The following WDR41 variants were observed in gnomAD, a reference collection of about 807,000 sequenced individuals.
WDR41 encodes the protein WD repeat domain 41, also known as WD repeat-containing protein 41.
A neutral mutation model predicts 69.3 loss-of-function variants in WDR41; 63 were observed. That is an observed-to-expected ratio of 0.91 (90% CI 0.74 to 1.12). The LOEUF (loss-of-function observed/expected upper bound fraction) is 1.12. Ranked by LOEUF, WDR41 falls within the 50% of genes most tolerant of loss-of-function variation. The pLI, the probability that WDR41 is intolerant of heterozygous loss-of-function variation, is 0.00. For synonymous variants in WDR41, 185 were observed against 192.1 expected, an observed-to-expected ratio of 0.96 and a Z score of 0.31; for missense variants, 543 against 534.5, an observed-to-expected ratio of 1.02 and a Z score of -0.16.
At chr5:77,447,126 T>C (rs1175890664) in intron 8 of WDR41, among the ~76,000 whole-genome samples, 1 of 151,990 alleles carries the variant, frequency 6.6e-6, no homozygotes, top group East Asian at 1.9e-4. Flanking sequence ...CAGGCACTTC[T>C]CAAGACATTT....
chr5:77,470,300 A>G (rs917545247), intron 2 of WDR41, among the ~76,000 whole-genome samples: 42 of 152,358 alleles, frequency 2.8e-4, no homozygotes, highest in Admixed American at 1.2e-3. Context: ...GAAAGGAACA[A>G]CCGATACCAG....
chr5:77,582,749 T>G (rs1158533453), intron 1 of WDR41: 9 of 1,595,358 alleles, frequency 5.6e-6, no homozygotes, highest in Non-Finnish European at 7.7e-6. Flanking sequence ...TTTGTGAAGC[T>G]CAACAAGGCT....
intron 1 of WDR41, among the ~76,000 whole-genome samples, chr5:77,585,298 G>T (rs1035896006): frequency 1.3e-5 from 2 of 152,084 alleles, no homozygotes; most frequent in Admixed American, 1.3e-4. Context: ...TGCAAGAATG[G>T]CCATAATCAA....
chr5:77,603,034 T>A (rs1247076755), intron 1 of WDR41, among the ~76,000 whole-genome samples: 4 of 150,546 alleles, frequency 2.7e-5, no homozygotes, highest in Non-Finnish European at 5.9e-5. Context: ...GCTCCCTGGG[T>A]TCATGCCATT....
chr5:77,562,253 T>A (rs1489804823), intron 1 of WDR41, among the ~76,000 whole-genome samples: 1 of 152,110 alleles, frequency 6.6e-6, no homozygotes, highest in Non-Finnish European at 1.5e-5. Flanking sequence ...TAAATGTCTA[T>A]CTCTCACCAA....
chr5:77,517,631 C>CATATATATATATATATATATAT lies in WDR41; in HGVS notation c.43-28081_43-28060dup, dbSNP rs34773798. ...TTGACATTTATTCATATTTATTGAA[C>CATATATATATATATATATATAT]ATATATATATATATATATATATATA... is the stretch of plus-strand genomic sequence containing the variant. On this transcript the variant is annotated intron_variant, in intron 1 of 5. Transcript: ENST00000509971. Among the ~76,000 whole-genome samples, 88 of 141,152 alleles carry CATATATATATATATATATATAT rather than the reference C, an allele frequency of 6.2e-4. 1 individual carries two copies. The highest frequency in any genetic ancestry group is 3.8e-3 in the Middle Eastern group (1 of 260). 92.6% of individuals were successfully genotyped at this position (141,152 alleles called of 152,430 possible). A position where few individuals can be genotyped will look rare whatever the true frequency, so the allele number is the denominator to read the frequency against.
At chr5:77,459,324 A>G (rs1799950376) in intron 4 of WDR41, among the ~76,000 whole-genome samples, 200 bp from the exon 5 acceptor site, 1 of 152,170 alleles carries the variant, frequency 6.6e-6, no homozygotes, top group African/African-American at 2.4e-5. Flanking sequence ...ATAATCTAAA[A>G]TAAGTTTGAG....
At chr5:77,614,005 C>T (rs1744622480) in intron 1 of WDR41, among the ~76,000 whole-genome samples, 1 of 152,146 alleles carries the variant, frequency 6.6e-6, no homozygotes, top group Non-Finnish European at 1.5e-5. Flanking sequence ...AGACACTTCT[C>T]AAAAGAAGAC....
chr5:77,585,682 A>T (rs1744025166), intron 1 of WDR41, among the ~76,000 whole-genome samples: 1 of 152,234 alleles, frequency 6.6e-6, no homozygotes, highest in Non-Finnish European at 1.5e-5. Context: ...AGTGACCTGG[A>T]TGAGATTGGA....
At chr5:77,447,555 G>A (rs1379561755) in intron 8 of WDR41, among the ~76,000 whole-genome samples, 2 of 152,128 alleles carry the variant, frequency 1.3e-5, no homozygotes, top group Non-Finnish European at 1.5e-5. Context: ...AGAAAATGTG[G>A]CACATATACA....
intron 2 of WDR41, among the ~76,000 whole-genome samples, chr5:77,481,028 G>GT (rs371537112): frequency 0.055 from 7,826 of 142,718 alleles, 238 homozygotes; most frequent in Middle Eastern, 0.12. Flanking sequence ...TTTCTGGGTT[G>GT]TTTTTTTTTT....
At chr5:77,506,110 A>G (rs1802101567) in intron 1 of WDR41, among the ~76,000 whole-genome samples, 1 of 152,200 alleles carries the variant, frequency 6.6e-6, no homozygotes, top group African/African-American at 2.4e-5. Context: ...AACCTACAGA[A>G]TGCGAGAAAA....
chr5:77,459,571 C>T (rs1276657361), intron 4 of WDR41, among the ~76,000 whole-genome samples: 1 of 152,168 alleles, frequency 6.6e-6, no homozygotes, highest in African/African-American at 2.4e-5. Context: ...TTCGAGAAGA[C>T]ACTAACAGTG....
intron 1 of WDR41, among the ~76,000 whole-genome samples, chr5:77,608,911 G>A (rs531994671): frequency 3.3e-5 from 5 of 152,340 alleles, no homozygotes; most frequent in African/African-American, 1.2e-4. Context: ...CAAAGAAAGG[G>A]GTGACAGACG....
At chr5:77,524,212 T>C (rs1802412718) in intron 1 of WDR41, among the ~76,000 whole-genome samples, 1 of 152,186 alleles carries the variant, frequency 6.6e-6, no homozygotes, top group Admixed American at 6.5e-5. Context: ...ATCGGTAACT[T>C]GCTTTCTTTT....
At chr5:77,574,463 T>G (rs1379294888) in intron 1 of WDR41, among the ~76,000 whole-genome samples, 9 of 152,146 alleles carry the variant, frequency 5.9e-5, no homozygotes, top group Non-Finnish European at 1.5e-5. Flanking sequence ...ACATTATAAG[T>G]GTTCTGTGTG....
At chr5:77,501,525 G>T (rs534692806) in intron 1 of WDR41, among the ~76,000 whole-genome samples, 1 of 152,338 alleles carries the variant, frequency 6.6e-6, no homozygotes, top group African/African-American at 2.4e-5. Context: ...GAGAGCAGTG[G>T]TTCTCCCAGC....
intron 12 of WDR41, among the ~76,000 whole-genome samples, chr5:77,435,853 G>A (rs6864606): frequency 0.054 from 8,178 of 152,274 alleles, 696 homozygotes; most frequent in African/African-American, 0.18. Flanking sequence ...AAAGGCAGGA[G>A]AAACAGGACT....
At chr5:77,602,973 C>G (rs1215505948) in intron 1 of WDR41, among the ~76,000 whole-genome samples, 5 of 145,982 alleles carry the variant, frequency 3.4e-5, no homozygotes, top group African/African-American at 1.3e-4. Flanking sequence ...GAGTCTCGCT[C>G]TGTGGCCCAG....
Sources: gnomAD v4.1 joint callset for allele counts (sites outside exome capture counted in the v4.1 genomes callset) on GRCh38, gnomAD v4.1.1 for gene constraint, MANE v1.5 for transcripts, NCBI Gene and HGNC (gene_info 2026-07-23, HGNC 2026-07-21) for gene names.